The following FPGS variants were observed in gnomAD, a reference collection of about 807,000 sequenced individuals.
FPGS encodes folylpolyglutamate synthase, mitochondrial.
Under a neutral mutation model 66.5 loss-of-function variants are expected in FPGS, and 53 were observed. The ratio of observed to expected loss-of-function variants is 0.80; its 90% CI spans 0.64 to 1.00. FPGS has a LOEUF of 1.00. FPGS is among the 50% of genes least tolerant of loss of function. The pLI, the probability that FPGS is intolerant of heterozygous loss-of-function variation, is 0.00. For synonymous variants in FPGS, 348 were observed against 350.9 expected, an observed-to-expected ratio of 0.99 and a Z score of 0.09; for missense variants, 702 against 807.7, an observed-to-expected ratio of 0.87 and a Z score of 1.59.
chr9:127,811,399 G>T (rs557849723), intron 14 of FPGS, among the ~76,000 whole-genome samples: 1 of 151,912 alleles, frequency 6.6e-6, no homozygotes, highest in Admixed American at 6.5e-5. Context: ...GGAGAATGGC[G>T]TGAACTCGGG....
chr9:127,810,192 C>T, intron 13 of FPGS, 86 bp downstream of exon 13: 1 of 1,116,970 alleles, frequency 9.0e-7, no homozygotes, highest in South Asian at 1.3e-5. Context: ...CAATCCCCTC[C>T]CCCTTGAGTT....
chr9:127,805,324 A>T (rs1426833741), intron 4 of FPGS, among the ~76,000 whole-genome samples: 1 of 151,996 alleles, frequency 6.6e-6, no homozygotes, highest in Admixed American at 6.6e-5. Flanking sequence ...TGGGAGGATC[A>T]CCTGAGTCTG....
rs377406046 is a variant in FPGS, at chr9:127,813,647, G to T, written c.*43G>T. On this transcript the variant is annotated 3_prime_UTR_variant, in exon 15 of 15. Transcript: ENST00000373247. ...AGGTGGGAGCTTCCCACACCTGCCT[G>T]CGTTCTCCCCATGAACTTACATACT... 3.7e-4 allele frequency: 559 copies of T among 1,495,220 alleles called. 1 individual carries two copies. The highest frequency in any genetic ancestry group is 4.8e-4 in the Non-Finnish European group (534 of 1,122,274). The allele number at this position is 1,495,220 out of a possible 1,614,324, so 92.6% of individuals were successfully genotyped here.
chr9:127,808,568 A>G lies in FPGS; in HGVS notation c.833A>G (p.Tyr278Cys), dbSNP rs765935827. 1.2e-6 allele frequency: 2 copies of G among 1,612,378 alleles called. No individual in the cohort carries two copies. The highest frequency in any genetic ancestry group is 3.3e-5 in the Admixed American group (2 of 59,972). Reference protein sequence around the residue: ...DRAQQISCPLYLCPMLEALEE... With the variant: ...DRAQQISCPLCLCPMLEALEE... ...GCCTGTCTCCCCTAGTGTCCTCTATACCTGTGTCCGATGCTGGAGGCCCTC... is the reference window on the plus strand; with the variant it reads ...GCCTGTCTCCCCTAGTGTCCTCTATGCCTGTGTCCGATGCTGGAGGCCCTC... The change falls in exon 10 of 15, where the codon TAC (tyrosine) becomes TGC (cysteine). Residue 278 changes from tyrosine (Y) to cysteine (C), a missense_variant. Around this residue, in one of 3 missense-constraint regions of FPGS, gnomAD observed 240 missense variants for 348.6 expected, o/e 0.69. Coordinates refer to ENST00000373247, the MANE Select transcript of FPGS (RefSeq NM_004957.6).
chr9:127,814,135 A>C (rs1830218427), downstream of FPGS: 2 of 986,078 alleles, frequency 2.0e-6, no homozygotes, highest in Non-Finnish European at 1.2e-6. Context: ...GCTGGTGGTC[A>C]GGGACCTGCA....
At position 127,804,345 on chromosome 9, in the gene FPGS, C is replaced by T. The variant is rs544321202; in HGVS notation, c.199C>T (p.Arg67Cys). ...TNAGYLEQVK[R>C]QRGDPQTQLE... ...TGCCGGCTACCTGGAGCAGGTGAAG[C>T]GCCAGCGGGGTGACCCTCAGACACA... The change falls in exon 2 of 15, where the codon CGC (arginine) becomes TGC (cysteine). Residue 67 changes from arginine to cysteine, a missense_variant. Transcript: ENST00000373247. The T allele has an allele frequency of 1.3e-5, 21 of 1,614,182 alleles. No individual in the cohort carries two copies. Among genetic ancestry groups the T allele is most frequent in the Admixed American group, 5.0e-5 (3 of 60,014 alleles).
chr9:127,813,223 C>G lies in FPGS; in HGVS notation c.1383C>G (p.Asp461Glu). The G allele has an allele frequency of 1.3e-6, 2 of 1,599,640 alleles. No individual in the cohort carries two copies. Among genetic ancestry groups the G allele is most frequent in the Non-Finnish European group, 1.7e-6 (2 of 1,172,072 alleles). The part of the protein sequence containing the change: ...ADQQNFTVTL[D>E]QVLLRCLEHQ... ...AACAGAACTTCACAGTGACACTGGA[C>G]CAGGTCCTGCTCCGCTGCCTGGAAC... Residue 461 changes from aspartate (D) to glutamate (E), a missense_variant, in exon 15 of 15, where the codon GAC becomes GAG. This residue lies in a region of FPGS where 351 missense variants were observed against 363.7 expected (regional missense o/e 0.97). Transcript: ENST00000373247.
At position 127,813,431 on chromosome 9, in the gene FPGS, C is replaced by T. The variant is rs373315771; in HGVS notation, c.1591C>T (p.Arg531Ter). The stretch of plus-strand genomic sequence containing the variant: ...TGCCTTGCAATGGATCAGCCAAGGC[C>T]GAGACCCCATCTTCCAGCCACCTAG... ...SHALQWISQG[R>*]DPIFQPPSPP... is the part of the protein sequence containing the mutation. The change falls in exon 15 of 15, where the codon CGA becomes TGA. Residue 531 changes from arginine (R) to a stop codon, truncating the protein, a stop_gained. Transcript: ENST00000373247. LOFTEE classifies it high-confidence loss of function. 11 of 1,610,498 alleles carry T rather than the reference C, an allele frequency of 6.8e-6. No homozygotes were observed. Among genetic ancestry groups the T allele is most frequent in the East Asian group, 2.2e-5 (1 of 44,834 alleles).
Position 127,807,401 on chromosome 9 carries a change from T to A in FPGS, c.580-20T>A. ...CTGGGCACCCTCATATCCCCTGCCATGCCCTCTGGTCTTTGACAGGTGGAC... is the reference window on the plus strand; with the variant it reads ...CTGGGCACCCTCATATCCCCTGCCAAGCCCTCTGGTCTTTGACAGGTGGAC... On this transcript the variant is annotated intron_variant, in intron 6 of 14. Coordinates refer to ENST00000373247, the MANE Select transcript of FPGS (RefSeq NM_004957.6). This position sits in a 1 kb window ranked among gnomAD's most constrained non-coding sequence, Gnocchi z 5.8. 1.9e-6 allele frequency: 3 copies of A among 1,613,530 alleles called. No individual in the cohort carries two copies. Among genetic ancestry groups the A allele is most frequent in the Non-Finnish European group, 2.5e-6 (3 of 1,179,622 alleles).
At position 127,807,935 on chromosome 9, in the gene FPGS, G is replaced by A; in HGVS notation, c.744+247G>A. On this transcript the variant is annotated intron_variant, in intron 8 of 14. Coordinates refer to ENST00000373247, the MANE Select transcript of FPGS (RefSeq NM_004957.6). This position sits in a 1 kb window ranked among gnomAD's most constrained non-coding sequence, Gnocchi z 5.8. ...AGCCTGACCAATATGGGGAAACTCT[G>A]TCTCTACTAAAAATACAAAAATTAG... is the stretch of plus-strand genomic sequence containing the variant. 1 of 566,142 alleles carries A rather than the reference G, an allele frequency of 1.8e-6. No individual in the cohort carries two copies. The highest frequency in any genetic ancestry group is 3.0e-5 in the East Asian group (1 of 33,818). 35.1% of individuals were successfully genotyped at this position (566,142 alleles called of 1,614,324 possible).
rs372532991 is a variant in FPGS, at chr9:127,804,568, C to T, written c.321+16C>T. 2 of 1,614,136 alleles carry T rather than the reference C, an allele frequency of 1.2e-6. No individual in the cohort carries two copies. The highest frequency in any genetic ancestry group is 1.7e-6 in the Non-Finnish European group (2 of 1,179,986). The stretch of plus-strand genomic sequence containing the variant: ...GAAGGGGAAGGTGAGGGGCAGGACC[C>T]TGGGGTAGGGGGTCTATTAAGTGGC... On this transcript the variant is annotated intron_variant, in intron 3 of 14. Transcript: ENST00000373247.
chr9:127,808,925 C>G, intron 11 of FPGS, 36 bp downstream of exon 11: 5 of 1,250,050 alleles, frequency 4.0e-6, no homozygotes, highest in Non-Finnish European at 5.7e-6. Context: ...GGGACCACTG[C>G]GTGTGTCTGT....
chr9:127,803,273 A>G lies in FPGS; in HGVS notation c.138+211A>G, dbSNP rs547212842. Reference sequence around the variant, plus strand: ...CCGGGGCTGGGAATTCGGAGACTATAGCGTCCCCGCCCCGGGTTGGGAAGT... The same window carrying G: ...CCGGGGCTGGGAATTCGGAGACTATGGCGTCCCCGCCCCGGGTTGGGAAGT... On this transcript the variant is annotated intron_variant, in intron 1 of 14. Transcript: ENST00000373247. The G allele has an allele frequency of 5.2e-4, 648 of 1,239,414 alleles. 8 individuals carry two copies. The East Asian group carries it at 0.016, about 30-fold the overall frequency. 76.8% of individuals were successfully genotyped at this position (1,239,414 alleles called of 1,614,324 possible). A position where few individuals can be genotyped will look rare whatever the true frequency, so the allele number is the denominator to read the frequency against.
At chr9:127,811,217 G>A (rs923184065) in intron 14 of FPGS, among the ~76,000 whole-genome samples, 4 of 151,996 alleles carry the variant, frequency 2.6e-5, no homozygotes, top group African/African-American at 9.7e-5. Context: ...GGTGGCTCAC[G>A]CCTGTAATCC....
Position 127,802,997 on chromosome 9 carries a change from C to G in FPGS, c.73C>G (p.Gln25Glu), listed in dbSNP as rs1214914508. ...GGCGTCTGCGCGCGGCATAACGACCCAGGTCGCGGCGCGGCGGGGCTTGAG... is the reference window on the plus strand; with the variant it reads ...GGCGTCTGCGCGCGGCATAACGACCGAGGTCGCGGCGCGGCGGGGCTTGAG... The part of the protein sequence containing the change: ...AAASARGITT[Q>E]VAARRGLSAW... The change falls in exon 1 of 15, where the codon CAG becomes GAG. Residue 25 changes from glutamine (Q) to glutamate (E), a missense_variant. Gln to Glu is a conservative substitution (Grantham distance 29, BLOSUM62 2). This residue lies in a region of FPGS where 111 missense variants were observed against 95.4 expected (regional missense o/e 1.16). Coordinates refer to ENST00000373247, the MANE Select transcript of FPGS (RefSeq NM_004957.6). 1.4e-6 allele frequency: 2 copies of G among 1,466,104 alleles called. No individual in the cohort carries two copies. The allele number at this position is 1,466,104 out of a possible 1,614,324, so 90.8% of individuals were successfully genotyped here.
At chr9:127,810,380 C>T (rs924589051) in intron 13 of FPGS, among the ~76,000 whole-genome samples, 1 of 151,708 alleles carries the variant, frequency 6.6e-6, no homozygotes, top group Admixed American at 6.6e-5. Context: ...CTTGTCATGC[C>T]CCTTTAGGCA....
At chr9:127,806,748 T>C in intron 4 of FPGS, 1 of 566,536 alleles carries the variant, frequency 1.8e-6, no homozygotes, top group South Asian at 2.0e-5. Flanking sequence ...GCTGTCTTAG[T>C]TGAGACCAAC....
intron 13 of FPGS, 37 bp from the exon 14 acceptor site, chr9:127,810,908 G>C (rs199960105): frequency 1.6e-6 from 2 of 1,225,964 alleles, no homozygotes; most frequent in African/African-American, 1.5e-5. Context: ...ACATCCTTTC[G>C]GGGGTCTGAC....
At chr9:127,813,169 G>C in intron 14 of FPGS, 26 bp from the exon 15 acceptor site, 2 of 1,537,702 alleles carry the variant, frequency 1.3e-6, no homozygotes, top group Non-Finnish European at 1.8e-6. Flanking sequence ...CCCCTTCGCT[G>C]ATAGGCCTTT....
Sources: allele counts gnomAD v4.1 joint callset (sites outside exome capture counted in the v4.1 genomes callset), GRCh38; gene constraint gnomAD v4.1.1; regional missense constraint gnomAD v4.1.1; non-coding constraint Gnocchi (gnomAD v3.1); transcripts MANE v1.5; gene names NCBI Gene and HGNC (gene_info 2026-07-23, HGNC 2026-07-21).